Variants in TNIP2 observed in about 807,000 individuals in gnomAD.
TNIP2 encodes the protein TNFAIP3-interacting protein 2.
In TNIP2, 30 loss-of-function variants were observed where a neutral mutation model predicts 43.7. The ratio of observed to expected loss-of-function variants is 0.69; its 90% confidence interval spans 0.51 to 0.93. TNIP2 has a LOEUF of 0.93. Ranked by LOEUF, TNIP2 falls within the 40% of genes least tolerant of loss-of-function variation. The pLI, the probability that TNIP2 is intolerant of heterozygous loss-of-function variation, is 0.00. For synonymous variants in TNIP2, 260 were observed against 254.6 expected, an observed-to-expected ratio of 1.02 and a Z score of -0.20; for missense variants, 599 against 591.0, an observed-to-expected ratio of 1.01 and a Z score of -0.14.
Position 2,756,059 on chromosome 4 carries a change from C to T in TNIP2, c.231G>A (p.Gln77=), listed in dbSNP as rs1389153647. 3 of 1,545,872 alleles carry T rather than the reference C, an allele frequency of 1.9e-6. No homozygotes were observed. Among genetic ancestry groups the T allele is most frequent in the Non-Finnish European group, 1.7e-6 (2 of 1,157,884 alleles). ...CGGCGCCGCCCTCCTGCCTTCGCAG[C>T]TGCTCCCGGAAGCGCGCAACCTGCT... The part of the protein sequence containing the change: ...LLEQVARFRE[Q]LRRQEGGAAE... The change falls in exon 1 of 6, where the codon CAG becomes CAA. Residue 77 remains glutamine, a synonymous_variant. Transcript: ENST00000315423.
Position 2,744,647 on chromosome 4 carries a change from C to T in TNIP2, c.906+50G>A, listed in dbSNP as rs146968485. 1.8e-4 allele frequency: 280 copies of T among 1,584,674 alleles called. 2 individuals are homozygous for T. The East Asian group carries it at 5.6e-3, about 32-fold the overall frequency. Reference sequence around the variant, plus strand: ...CCTGTCCCATGATTTCGGCCACCACCGGCCAGCAGACATCTGGTCAGTGCC... The same window carrying T: ...CCTGTCCCATGATTTCGGCCACCACTGGCCAGCAGACATCTGGTCAGTGCC... On this transcript the variant is annotated intron_variant, in intron 4 of 5. Transcript: ENST00000315423. This position sits in a 1 kb window ranked among gnomAD's most constrained non-coding sequence, Gnocchi z 5.1.
chr4:2,750,557 G>C (rs891460991), intron 1 of TNIP2, among the ~76,000 whole-genome samples: 3 of 151,984 alleles, frequency 2.0e-5, no homozygotes, highest in African/African-American at 7.2e-5. Flanking sequence ...CTCCCAAATA[G>C]CTGGGACCAT....
Position 2,744,990 on chromosome 4 carries a change from A to G in TNIP2, c.658-45T>C. 1 of 1,569,894 alleles carries G rather than the reference A, an allele frequency of 6.4e-7. No homozygotes were observed. The highest frequency in any genetic ancestry group is 1.2e-5 in the South Asian group (1 of 85,940). The stretch of plus-strand genomic sequence containing the variant: ...AAGCTCACGGTGAAGGCAGCTGACA[A>G]AGCTGCTCAAGCCAGCACCCAGTGT... On this transcript the variant is annotated intron_variant, in intron 3 of 5. Transcript: ENST00000315423. This position sits in a 1 kb window ranked among gnomAD's most constrained non-coding sequence, Gnocchi z 5.1.
intron 1 of TNIP2, among the ~76,000 whole-genome samples, chr4:2,752,599 C>T (rs1469056970): frequency 6.6e-6 from 1 of 152,152 alleles, no homozygotes. Flanking sequence ...AACCTAGCAA[C>T]GGCTTGCTTC....
chr4:2,743,375 T>G lies in TNIP2; in HGVS notation c.1027-855A>C, dbSNP rs113176964. Among the ~76,000 whole-genome samples, 8 of 152,314 alleles carry G rather than the reference T, an allele frequency of 5.3e-5. 2 individuals carry two copies. The highest frequency in any genetic ancestry group is 1.9e-4 in the African/African-American group (8 of 41,568). ...GGTCCAAAATCTTCAAGAGGCGGCC[T>G]GAGACCATCCTCACGATTGTACCAA... On this transcript the variant is annotated intron_variant, in intron 5 of 5. Transcript: ENST00000315423.
chr4:2,755,834 C>A, intron 1 of TNIP2, 180 bp downstream of exon 1: 1 of 887,200 alleles, frequency 1.1e-6, no homozygotes, highest in Non-Finnish European at 1.5e-6. Flanking sequence ...CCCGGCACCC[C>A]CTCAACTCCC....
At chr4:2,750,096 T>A (rs34388908) in intron 1 of TNIP2, among the ~76,000 whole-genome samples, 5,340 of 152,268 alleles carry the variant, frequency 0.035, 117 homozygotes, top group South Asian at 0.072. Flanking sequence ...AGCCACCACA[T>A]CTGACCTGAC....
chr4:2,745,094 C>T, intron 3 of TNIP2, 149 bp from the exon 4 acceptor site: 2 of 1,060,216 alleles, frequency 1.9e-6, no homozygotes, highest in Non-Finnish European at 1.3e-6. Context: ...CTGTAGAGAG[C>T]AGACACTAGG....
intron 1 of TNIP2, among the ~76,000 whole-genome samples, chr4:2,753,932 T>C (rs957448027): frequency 3.9e-5 from 6 of 152,200 alleles, no homozygotes; most frequent in Admixed American, 3.9e-4. Flanking sequence ...AGTACAACTG[T>C]ATACACAGCA....
intron 1 of TNIP2, among the ~76,000 whole-genome samples, chr4:2,750,525 C>G (rs1722074729): frequency 6.6e-6 from 1 of 151,872 alleles, no homozygotes. Context: ...CTCCTGGGTC[C>G]AAGTGTTCCT....
chr4:2,754,481 A>G (rs897155405), intron 1 of TNIP2, among the ~76,000 whole-genome samples: 2 of 152,262 alleles, frequency 1.3e-5, no homozygotes, highest in African/African-American at 4.8e-5. Context: ...CAGTGGCACA[A>G]TCTCGGCTCA....
At chr4:2,753,149 T>TC (rs775039017) in intron 1 of TNIP2, among the ~76,000 whole-genome samples, 34 of 150,834 alleles carry the variant, frequency 2.3e-4, no homozygotes, top group Non-Finnish European at 5.0e-4. Context: ...TAATTAAAAA[T>TC]CCCCCCATGC....
Position 2,744,749 on chromosome 4 carries a change from G to C in TNIP2, c.854C>G (p.Ser285Cys), listed in dbSNP as rs773548891. The C allele has an allele frequency of 3.1e-6, 5 of 1,608,712 alleles. No individual in the cohort carries two copies. The highest frequency in any genetic ancestry group is 3.4e-6 in the Non-Finnish European group (4 of 1,180,020). Residue 285 changes from serine to cysteine, a missense_variant, in exon 4 of 6, where the codon TCC becomes TGC. Coordinates refer to ENST00000315423, the MANE Select transcript of TNIP2 (RefSeq NM_024309.4). The surrounding 1 kb of genome is among the most constrained non-coding windows in gnomAD (Gnocchi z 5.1). ...CAACGCAGCATCCCGGGCCGTCCTG[G>C]AGGCCGCCAGCTCCTGCTTCACTTC... is the stretch of plus-strand genomic sequence containing the variant. ...CAEVKQELAA[S>C]RTARDAALER...
Position 2,756,144 on chromosome 4 carries a change from C to T in TNIP2, c.146G>A (p.Arg49His). Residue 49 changes from arginine to histidine, a missense_variant, in exon 1 of 6, where the codon CGC (arginine) becomes CAC (histidine). Physicochemically the swap from Arg to His is conservative, Grantham distance 29. Coordinates refer to ENST00000315423, the MANE Select transcript of TNIP2 (RefSeq NM_024309.4). ...CCCCTCCAGCGCGGCCAGGCGGGCG[C>T]GGAGGCGAGCGATGAGGGCGTCGCG... is the stretch of plus-strand genomic sequence containing the variant. ...AARDALIARL[R>H]ARLAALEGDA... is the part of the protein sequence containing the mutation. 2.7e-6 allele frequency: 4 copies of T among 1,475,150 alleles called. No individual in the cohort carries two copies. The highest frequency in any genetic ancestry group is 1.5e-5 in the African/African-American group (1 of 68,222). The allele number at this position is 1,475,150 out of a possible 1,614,324, so 91.4% of individuals were successfully genotyped here.
rs1721973336 is a variant in TNIP2 at position 2,747,320 on chromosome 4, C to T, written c.567+335G>A. ...TCCTCGGATGGAGGATGTGACTACACTTCCTCCAGGCAGCTCTGCCAGGCT... is the reference window on the plus strand; with the variant it reads ...TCCTCGGATGGAGGATGTGACTACATTTCCTCCAGGCAGCTCTGCCAGGCT... On this transcript the variant is annotated intron_variant, in intron 2 of 5. Coordinates refer to ENST00000315423, the MANE Select transcript of TNIP2 (RefSeq NM_024309.4). 2.1e-5 allele frequency: 6 copies of T among 281,180 alleles called. No homozygotes were observed. The South Asian group carries it at 3.4e-4, about 16-fold the overall frequency. The allele number at this position is 281,180 out of a possible 1,614,324, so 17.4% of individuals were successfully genotyped here.
Position 2,756,216 on chromosome 4 carries a change from T to G in TNIP2, c.74A>C (p.His25Pro), listed in dbSNP as rs993433948. The change falls in exon 1 of 6, where the codon CAC (histidine) becomes CCC (proline). Residue 25 changes from histidine (H) to proline (P), a missense_variant. Transcript: ENST00000315423. The stretch of plus-strand genomic sequence containing the variant: ...GCGGCGCAGCCGCTGTCCGGCCTCG[T>G]GGTACAGGGTGCAGAGCGCGGCAGC... ...RAAAALCTLY[H>P]EAGQRLRRLQ... The G allele has an allele frequency of 1.2e-4, 175 of 1,471,592 alleles. No homozygotes were observed. Among genetic ancestry groups the G allele is most frequent in the Non-Finnish European group, 1.5e-4 (167 of 1,119,600 alleles). The allele number at this position is 1,471,592 out of a possible 1,614,324, so 91.2% of individuals were successfully genotyped here. A position where few individuals can be genotyped will look rare whatever the true frequency, so the allele number is the denominator to read the frequency against.
rs148030802 is a variant in TNIP2, at chr4:2,744,764, T to G, written c.839A>C (p.Gln280Pro). 8 of 1,610,690 alleles carry G rather than the reference T, an allele frequency of 5.0e-6. No homozygotes were observed. The highest frequency in any genetic ancestry group is 6.8e-6 in the Non-Finnish European group (8 of 1,180,038). ...GGCCGTCCTGGAGGCCGCCAGCTCC[T>G]GCTTCACTTCGGCACAGTCATTTAT... ...EKINDCAEVK[Q>P]ELAASRTARD... The change falls in exon 4 of 6, where the codon CAG (glutamine) becomes CCG (proline). Residue 280 changes from glutamine (Q) to proline (P), a missense_variant. Transcript: ENST00000315423. This position sits in a 1 kb window ranked among gnomAD's most constrained non-coding sequence, Gnocchi z 5.1.
intron 1 of TNIP2, among the ~76,000 whole-genome samples, chr4:2,754,656 T>TCCG (rs1295437777): frequency 2.4e-4 from 36 of 152,362 alleles, no homozygotes; most frequent in Middle Eastern, 6.8e-3. Flanking sequence ...GACCTCGTGA[T>TCCG]CCGCCGCCTT....
At chr4:2,750,913 C>T (rs553155622) in intron 1 of TNIP2, among the ~76,000 whole-genome samples, 1 of 152,190 alleles carries the variant, frequency 6.6e-6, no homozygotes, top group Non-Finnish European at 1.5e-5. Flanking sequence ...GCGTGGCTCT[C>T]TCTTGCCTCC....
Sources: gnomAD v4.1 joint callset for allele counts (sites outside exome capture counted in the v4.1 genomes callset) on GRCh38, gnomAD v4.1.1 for gene constraint, Gnocchi (gnomAD v3.1) non-coding constraint, MANE v1.5 for transcripts, NCBI Gene and HGNC (gene_info 2026-07-23, HGNC 2026-07-21) for gene names.